The following CLUH variants were observed in gnomAD, a reference collection of about 807,000 sequenced individuals.
The protein encoded by CLUH is clustered mitochondria protein homolog.
CLUH carries 77 observed loss-of-function variants against 139.3 expected under a neutral mutation model. The ratio of observed to expected loss-of-function variants is 0.55; its 90% CI spans 0.46 to 0.67. The LOEUF (loss-of-function observed/expected upper bound fraction) is 0.67, where lower values mean the gene tolerates loss of function less well. Ranked by LOEUF, CLUH falls within the 30% of genes least tolerant of loss-of-function variation. The pLI, the probability that CLUH is intolerant of heterozygous loss-of-function variation, is 0.00. For synonymous variants in CLUH, 999 were observed against 801.6 expected (o/e 1.25, Z -4.16); for missense variants, 1,876 against 1,875.8 (o/e 1.00, Z 0.00).
chr17:2,690,259 A>C lies in CLUH; in HGVS notation c.*335T>G. 1.1e-5 allele frequency: 3 copies of C among 278,390 alleles called. No individual in the cohort carries two copies. The highest frequency in any genetic ancestry group is 4.4e-5 in the African/African-American group (2 of 45,690). 17.2% of individuals were successfully genotyped at this position (278,390 alleles called of 1,614,324 possible). On this transcript the variant is annotated 3_prime_UTR_variant, in exon 26 of 26. Transcript: ENST00000651024. ...CTCGGGCTATGTACAGGGGAGAGGA[A>C]CGGTCAACACTCACAGCCAGGGGCG...
At position 2,695,409 on chromosome 17, in the gene CLUH, G is replaced by A. The variant is rs376707057; in HGVS notation, c.2509C>T (p.Arg837Trp). The change falls in exon 14 of 26, where the codon CGG (arginine) becomes TGG (tryptophan). Residue 837 changes from arginine to tryptophan, a missense_variant. This residue lies in a region of CLUH where 1,454 missense variants were observed against 1,384.4 expected (regional missense o/e 1.05). Transcript: ENST00000651024. ...YLGKVLELVL[R>W]SPARHQLDHV... ...TCCAGCTGGTGGCGGGCCGGGCTCC[G>A]CAGCACCAGCTCCAGCACCTTGCCC... is the stretch of plus-strand genomic sequence containing the variant. 1.6e-4 allele frequency: 253 copies of A among 1,612,550 alleles called. No homozygotes were observed. The highest frequency in any genetic ancestry group is 2.0e-4 in the Non-Finnish European group (240 of 1,179,728).
chr17:2,709,163 G>A (rs2070440011), intron 1 of CLUH, among the ~76,000 whole-genome samples: 1 of 152,154 alleles, frequency 6.6e-6, no homozygotes, highest in Non-Finnish European at 1.5e-5. Flanking sequence ...GAGGACCTGT[G>A]TGCTGCCCAA....
intron 1 of CLUH, among the ~76,000 whole-genome samples, chr17:2,709,292 G>C (rs1024328500): frequency 2.0e-5 from 3 of 152,162 alleles, no homozygotes; most frequent in Non-Finnish European, 4.4e-5. Flanking sequence ...CCCGTCCCGG[G>C]AGCCCAGGGC....
At chr17:2,702,384 T>C (rs1217365704) in intron 3 of CLUH, among the ~76,000 whole-genome samples, 1 of 152,158 alleles carries the variant, frequency 6.6e-6, no homozygotes, top group African/African-American at 2.4e-5. Context: ...GGGCAGGGCT[T>C]TTGGAGCTGT....
At chr17:2,701,790 TCCCTA>T (rs1368500890) in intron 4 of CLUH, 53 bp from the exon 5 acceptor site, 5 of 1,556,844 alleles carry the variant, frequency 3.2e-6, no homozygotes, top group Non-Finnish European at 4.3e-6. Flanking sequence ...GCCAGCTGTC[TCCCTA>T]CCTCCTGATG....
At position 2,691,661 on chromosome 17, in the gene CLUH, T is replaced by TGGCCATGCTGGG; in HGVS notation, c.3799_3810dup (p.Pro1267_Ala1270dup). 3 of 1,611,988 alleles carry TGGCCATGCTGGG rather than the reference T, an allele frequency of 1.9e-6. No homozygotes were observed. The highest frequency in any genetic ancestry group is 2.5e-6 in the Non-Finnish European group (3 of 1,179,060). On this transcript the variant is annotated inframe_insertion, in exon 25 of 26. Transcript: ENST00000651024. ...ATGACGTTCAGCTGCTCCAAGACGC[T>TGGCCATGCTGGG]GGCCATGCTGGGGGCCGTGAACTGC...
In CLUH at chr17:2,698,051, G is replaced by T. The variant is rs567971681; in HGVS notation, c.1806C>A (p.Leu602=). The change falls in exon 10 of 26, where the codon CTC becomes CTA. Residue 602 remains leucine (L), a synonymous_variant. Coordinates refer to ENST00000651024, the MANE Select transcript of CLUH (RefSeq NM_001366661.1). ...IIGNDGRHYI[L]DLLRTFPPDL... is the part of the protein sequence containing the mutation. ...CCGGGGGGAAGGTGCGCAGCAGGTCGAGGATGTAGTGGCGCCCGTCGTTGC... is the reference window on the plus strand; with the variant it reads ...CCGGGGGGAAGGTGCGCAGCAGGTCTAGGATGTAGTGGCGCCCGTCGTTGC... The T allele has an allele frequency of 4.4e-6, 7 of 1,606,474 alleles. No individual in the cohort carries two copies. The highest frequency in any genetic ancestry group is 1.3e-5 in the African/African-American group (1 of 74,920).
Position 2,704,308 on chromosome 17 carries a change from C to T in CLUH, c.303+54G>A. 2 of 1,553,774 alleles carry T rather than the reference C, an allele frequency of 1.3e-6. No individual in the cohort carries two copies. The highest frequency in any genetic ancestry group is 1.7e-6 in the Non-Finnish European group (2 of 1,143,628). Reference sequence around the variant, plus strand: ...ACGAGCAAGGCTGAGCTTTCCAGCTCACCCTCCCCAGCAGGCTCAGGCCTG... The same window carrying T: ...ACGAGCAAGGCTGAGCTTTCCAGCTTACCCTCCCCAGCAGGCTCAGGCCTG... On this transcript the variant is annotated intron_variant, in intron 2 of 25. Coordinates refer to ENST00000651024, the MANE Select transcript of CLUH (RefSeq NM_001366661.1). This position sits in a 1 kb window ranked among gnomAD's most constrained non-coding sequence, Gnocchi z 5.7.
chr17:2,694,088 C>A, intron 18 of CLUH, 35 bp downstream of exon 18: 2 of 1,613,850 alleles, frequency 1.2e-6, no homozygotes, highest in Non-Finnish European at 1.7e-6. Context: ...CCATGGGGAA[C>A]CCCCACCTCC....
intron 14 of CLUH, 27 bp from the exon 15 acceptor site, chr17:2,695,307 G>C: frequency 2.5e-6 from 4 of 1,613,618 alleles, no homozygotes; most frequent in African/African-American, 1.3e-5. Flanking sequence ...GGGAGGTCTT[G>C]GTCAGGCCCC....
chr17:2,698,072 G>A lies in CLUH; in HGVS notation c.1785C>T (p.Asn595=), dbSNP rs1292062894. ...SSVECKGIIG[N]DGRHYILDLL... The stretch of plus-strand genomic sequence containing the variant: ...GGTCGAGGATGTAGTGGCGCCCGTC[G>A]TTGCCAATGATGCCCTTGCACTCGA... The change falls in exon 10 of 26, where the codon AAC becomes AAT. Residue 595 remains asparagine, a synonymous_variant. Coordinates refer to ENST00000651024, the MANE Select transcript of CLUH (RefSeq NM_001366661.1). The A allele has an allele frequency of 6.2e-7, 1 of 1,606,674 alleles. No homozygotes were observed. Among genetic ancestry groups the A allele is most frequent in the Non-Finnish European group, 8.5e-7 (1 of 1,178,656 alleles).
rs1395893412 is a variant in CLUH, at chr17:2,711,597, G to A, written c.65C>T (p.Ser22Leu). 4.1e-6 allele frequency: 4 copies of A among 983,372 alleles called. No individual in the cohort carries two copies. The Admixed American group carries it at 1.9e-4, about 46-fold the overall frequency. 60.9% of individuals were successfully genotyped at this position (983,372 alleles called of 1,614,324 possible). The stretch of plus-strand genomic sequence containing the variant: ...CGGCCGCCCCTTGCCCCCGGCCTGC[G>A]AGCCGTGTTCCCGGGCGCTGTCGGC... Reference protein sequence around the residue: ...APADSAREHGSQAGGKGRPGA... With the variant: ...APADSAREHGLQAGGKGRPGA... Residue 22 changes from serine (S) to leucine (L), a missense_variant, in exon 1 of 26, where the codon TCG becomes TTG. Physicochemically the swap from Ser to Leu is moderately radical, Grantham distance 145. This residue lies in a region of CLUH where 152 missense variants were observed against 136.7 expected (regional missense o/e 1.11). Transcript: ENST00000651024.
intron 19 of CLUH, among the ~76,000 whole-genome samples, chr17:2,693,336 C>T (rs1008962097): frequency 6.6e-5 from 10 of 152,164 alleles, no homozygotes; most frequent in African/African-American, 2.4e-4. Flanking sequence ...GTTGAGGCTG[C>T]AGGGAGTCGA....
rs766986909 is a variant in CLUH, at chr17:2,700,852, G to A, written c.1026-27C>T. On this transcript the variant is annotated intron_variant, in intron 7 of 25. Coordinates refer to ENST00000651024, the MANE Select transcript of CLUH (RefSeq NM_001366661.1). ...TGTGGCAGGCAGGGGAGGGGGAGAT[G>A]GGGCAGCCCACCAAGCTCAGAGCCC... The A allele has an allele frequency of 6.0e-6, 9 of 1,506,626 alleles. No individual in the cohort carries two copies. In the East Asian group the frequency reaches 2.0e-4, roughly 34 times the overall value. The allele number at this position is 1,506,626 out of a possible 1,614,324, so 93.3% of individuals were successfully genotyped here. A position where few individuals can be genotyped will look rare whatever the true frequency, so the allele number is the denominator to read the frequency against.
intron 17 of CLUH, 41 bp from the exon 18 acceptor site, chr17:2,694,317 G>T (rs1356341826): frequency 1.3e-6 from 2 of 1,552,554 alleles, no homozygotes; most frequent in Admixed American, 3.7e-5. Context: ...CTCAGGCCCA[G>T]GTTCAGCGGG....
intron 25 of CLUH, among the ~76,000 whole-genome samples, chr17:2,691,157 G>T (rs531057339): frequency 3.3e-5 from 5 of 152,198 alleles, no homozygotes; most frequent in African/African-American, 9.6e-5. Context: ...GATGGGAAGC[G>T]TGGGGAGGGA....
rs1261079884 is a variant in CLUH at position 2,698,052 on chromosome 17, A to T, written c.1805T>A (p.Leu602His). The T allele has an allele frequency of 6.2e-7, 1 of 1,606,630 alleles. No individual in the cohort carries two copies. The highest frequency in any genetic ancestry group is 1.3e-5 in the African/African-American group (1 of 74,902). The change falls in exon 10 of 26, where the codon CTC becomes CAC. Residue 602 changes from leucine (L) to histidine (H), a missense_variant. Leu to His is a moderately conservative substitution (Grantham distance 99, BLOSUM62 -3). Transcript: ENST00000651024. ...IIGNDGRHYI[L>H]DLLRTFPPDL... is the part of the protein sequence containing the mutation. ...CGGGGGGAAGGTGCGCAGCAGGTCG[A>T]GGATGTAGTGGCGCCCGTCGTTGCC...
Position 2,696,861 on chromosome 17 carries a change from T to C in CLUH, c.2043A>G (p.Glu681=). The C allele has an allele frequency of 6.2e-7, 1 of 1,613,424 alleles. No homozygotes were observed. The highest frequency in any genetic ancestry group is 8.5e-7 in the Non-Finnish European group (1 of 1,179,842). Residue 681 remains glutamate (E), a synonymous_variant, in exon 11 of 26, where the codon GAA becomes GAG. Coordinates refer to ENST00000651024, the MANE Select transcript of CLUH (RefSeq NM_001366661.1). ...ACTCCAAGGAGGAAGGACCACCATT[T>C]TCCAGGGAGGAGGGGGTCTCCAGCT... ...ASQLETPSSL[E]NGGPSSLESK...
Position 2,696,414 on chromosome 17 carries a change from G to T in CLUH, c.2290+20C>A, listed in dbSNP as rs777149933. The stretch of plus-strand genomic sequence containing the variant: ...TCTGGCCCTGGAGGGCTCCTGCGCT[G>T]GCCGGCCCCCACCACCTGCCTGGTG... On this transcript the variant is annotated intron_variant, in intron 12 of 25. Coordinates refer to ENST00000651024, the MANE Select transcript of CLUH (RefSeq NM_001366661.1). 10 of 1,563,866 alleles carry T rather than the reference G, an allele frequency of 6.4e-6. No individual in the cohort carries two copies. The African/African-American group carries it at 1.2e-4, about 19-fold the overall frequency.
Sources: gnomAD v4.1 joint callset for allele counts (sites outside exome capture counted in the v4.1 genomes callset) on GRCh38, gnomAD v4.1.1 for gene constraint, gnomAD v4.1.1 regional missense constraint, Gnocchi (gnomAD v3.1) non-coding constraint, MANE v1.5 for transcripts, NCBI Gene and HGNC (gene_info 2026-07-23, HGNC 2026-07-21) for gene names.